The following CAMKMT variants were observed in gnomAD, a reference collection of about 807,000 sequenced individuals.
The protein encoded by CAMKMT is calmodulin-lysine N-methyltransferase.
Under a neutral mutation model 48.0 loss-of-function variants are expected in CAMKMT, and 53 were observed. That is an observed-to-expected ratio of 1.10 (90% CI 0.89 to 1.39). The LOEUF (loss-of-function observed/expected upper bound fraction) is 1.39. Among genes scored for constraint, CAMKMT ranks in the 40% most tolerant of loss-of-function variants. The pLI is 0.00. For synonymous variants in CAMKMT, 165 were observed against 152.3 expected (o/e 1.08, Z -0.61); for missense variants, 428 against 402.7 (o/e 1.06, Z -0.54).
At chr2:44,439,277 C>A (rs1432851626) in intron 3 of CAMKMT, among the ~76,000 whole-genome samples, 1 of 152,112 alleles carries the variant, frequency 6.6e-6, no homozygotes, top group Non-Finnish European at 1.5e-5. Flanking sequence ...CTCTTACCAC[C>A]CCAATGACTT....
intron 3 of CAMKMT, among the ~76,000 whole-genome samples, chr2:44,623,022 A>C (rs114576326): frequency 0.027 from 4,180 of 152,172 alleles, 190 homozygotes; most frequent in African/African-American, 0.095. Context: ...TTTTTAACAA[A>C]AGCTGTTCTG....
chr2:44,391,344 G>A (rs1028416905), intron 3 of CAMKMT, among the ~76,000 whole-genome samples: 2 of 152,090 alleles, frequency 1.3e-5, no homozygotes, highest in Non-Finnish European at 2.9e-5. Flanking sequence ...TTTATGGATA[G>A]TGACTGATGT....
At chr2:44,505,757 C>T (rs559630122) in intron 3 of CAMKMT, among the ~76,000 whole-genome samples, 22 of 152,206 alleles carry the variant, frequency 1.4e-4, no homozygotes, top group Non-Finnish European at 3.1e-4. Context: ...AGTTCAAATC[C>T]GTGTTGTCCA....
At chr2:44,382,104 G>C (rs1207574687) in intron 2 of CAMKMT, among the ~76,000 whole-genome samples, 1 of 151,912 alleles carries the variant, frequency 6.6e-6, no homozygotes, top group Non-Finnish European at 1.5e-5. Flanking sequence ...ACTACACCTG[G>C]CTAATTTTTG....
At chr2:44,622,663 G>T (rs1199122988) in intron 3 of CAMKMT, among the ~76,000 whole-genome samples, 24 of 152,230 alleles carry the variant, frequency 1.6e-4, no homozygotes, top group South Asian at 2.1e-4. Flanking sequence ...TTGCTGCAAA[G>T]GATATGATTT....
chr2:44,697,688 CTA>C (rs1379831536), intron 3 of CAMKMT, among the ~76,000 whole-genome samples: 17 of 152,018 alleles, frequency 1.1e-4, no homozygotes, highest in African/African-American at 4.1e-4. Context: ...AACATTATAA[CTA>C]TTATTGTAAT....
chr2:44,572,091 A>G (rs1443743456), intron 3 of CAMKMT, among the ~76,000 whole-genome samples: 1 of 152,214 alleles, frequency 6.6e-6, no homozygotes, highest in Non-Finnish European at 1.5e-5. Context: ...ATCCATCTCT[A>G]GAACTTTTTC....
chr2:44,733,914 C>A (rs752811840), intron 7 of CAMKMT, among the ~76,000 whole-genome samples: 4 of 152,048 alleles, frequency 2.6e-5, no homozygotes, highest in Admixed American at 2.0e-4. Flanking sequence ...GTATTGATGG[C>A]ACCTCTCATA....
chr2:44,451,861 A>G (rs1667304527), intron 3 of CAMKMT, among the ~76,000 whole-genome samples: 1 of 151,906 alleles, frequency 6.6e-6, no homozygotes, highest in Non-Finnish European at 1.5e-5. Context: ...TTTTAGAGAA[A>G]AAAAGCTTTC....
intron 10 of CAMKMT, among the ~76,000 whole-genome samples, chr2:44,769,145 C>G (rs895475656): frequency 6.7e-6 from 1 of 149,030 alleles, no homozygotes; most frequent in African/African-American, 2.5e-5. Context: ...AAAAAAAAAT[C>G]TACAGATTTA....
At chr2:44,573,330 G>A (rs1220743653) in intron 3 of CAMKMT, among the ~76,000 whole-genome samples, 1 of 151,774 alleles carries the variant, frequency 6.6e-6, no homozygotes, top group Non-Finnish European at 1.5e-5. Context: ...GAGTAGTAAT[G>A]TCTTGTTAGA....
At chr2:44,401,460 G>T (rs1682369625) in intron 3 of CAMKMT, among the ~76,000 whole-genome samples, 1 of 152,012 alleles carries the variant, frequency 6.6e-6, no homozygotes, top group Non-Finnish European at 1.5e-5. Flanking sequence ...AAGAGGCTGA[G>T]GCAGGTGAAT....
intron 3 of CAMKMT, among the ~76,000 whole-genome samples, chr2:44,542,057 A>C (rs1380170844): frequency 6.9e-6 from 1 of 145,278 alleles, no homozygotes; most frequent in East Asian, 2.2e-4. Flanking sequence ...TGAAACCGGG[A>C]GGCGGAGGTT....
chr2:44,746,009 G>A (rs941862061), intron 8 of CAMKMT, among the ~76,000 whole-genome samples: 35 of 152,146 alleles, frequency 2.3e-4, no homozygotes, highest in African/African-American at 8.4e-4. Flanking sequence ...TCACTGGGGA[G>A]GAAAAGAAAG....
At chr2:44,717,044 A>G (rs1030830396) in intron 7 of CAMKMT, among the ~76,000 whole-genome samples, 1 of 152,202 alleles carries the variant, frequency 6.6e-6, no homozygotes, top group African/African-American at 2.4e-5. Context: ...ATCTCTTCAT[A>G]AAATAATTAA....
intron 3 of CAMKMT, among the ~76,000 whole-genome samples, chr2:44,596,836 T>C (rs1219157391): frequency 5.3e-5 from 8 of 152,202 alleles, no homozygotes; most frequent in Non-Finnish European, 1.5e-5. Context: ...TACTCAGTCA[T>C]TAAAATTATG....
intron 3 of CAMKMT, among the ~76,000 whole-genome samples, chr2:44,579,698 A>T (rs1464425208): frequency 1.3e-5 from 2 of 152,196 alleles, no homozygotes; most frequent in Non-Finnish European, 2.9e-5. Flanking sequence ...CTACATGGAA[A>T]GGCAGCTGAT....
intron 3 of CAMKMT, among the ~76,000 whole-genome samples, chr2:44,700,771 C>A (rs747526591): frequency 6.6e-6 from 1 of 152,184 alleles, no homozygotes; most frequent in Non-Finnish European, 1.5e-5. Flanking sequence ...TGACCAAAAT[C>A]TGTCACAGAG....
chr2:44,747,034 C>T (rs1268052126), intron 8 of CAMKMT, among the ~76,000 whole-genome samples: 2 of 152,146 alleles, frequency 1.3e-5, no homozygotes. Flanking sequence ...GCTTAGAAAG[C>T]ATATCTGAAA....
Sources: gnomAD v4.1 joint callset for allele counts (sites outside exome capture counted in the v4.1 genomes callset) on GRCh38, gnomAD v4.1.1 for gene constraint, MANE v1.5 for transcripts, NCBI Gene and HGNC (gene_info 2026-07-23, HGNC 2026-07-21) for gene names.